DIP2C: variants seen among roughly 807,000 people sequenced by gnomAD.
DIP2C encodes DIP2 acetate--CoA ligase C (putative).
Under a neutral mutation model 192.4 loss-of-function variants are expected in DIP2C, and 33 were observed. The ratio of observed to expected loss-of-function variants is 0.17; its 90% CI spans 0.13 to 0.23. DIP2C has a LOEUF of 0.23. Among genes scored for constraint, DIP2C ranks in the 10% least tolerant of loss-of-function variants. The pLI, the probability that DIP2C is intolerant of heterozygous loss-of-function variation, is 1.00. For missense variants in DIP2C, 1,537 were observed against 2,110.1 expected (o/e 0.73, Z 5.32); for synonymous variants, 979 against 864.1 (o/e 1.13, Z -2.33).
rs531539311 is a variant in DIP2C at position 416,091 on chromosome 10, C to T, written c.740-203G>A. Among the ~76,000 whole-genome samples the T allele has an allele frequency of 2.0e-4, 31 of 151,836 alleles. 1 individual carries two copies. The South Asian group carries it at 2.3e-3, about 11-fold the overall frequency. On this transcript the variant is annotated intron_variant, in intron 6 of 36. Coordinates refer to ENST00000280886, the MANE Select transcript of DIP2C (RefSeq NM_014974.3). ...AGACCGGACAGAGATACATCGGACC[C>T]GAATGTCTACCACGTTCCAGGATGT...
intron 3 of DIP2C, among the ~76,000 whole-genome samples, chr10:448,139 A>T (rs1166422355): frequency 1.6e-5 from 2 of 124,720 alleles, no homozygotes; most frequent in South Asian, 2.4e-4. Context: ...TCAGGATCAC[A>T]CACAGTGGGG....
At chr10:524,773 A>G (rs1190411274) in intron 1 of DIP2C, among the ~76,000 whole-genome samples, 1 of 152,174 alleles carries the variant, frequency 6.6e-6, no homozygotes, top group East Asian at 1.9e-4. Flanking sequence ...ATAGCTCATT[A>G]GTTTAAGCAT....
intron 1 of DIP2C, among the ~76,000 whole-genome samples, chr10:510,283 C>G (rs1440916315): frequency 1.3e-5 from 2 of 152,202 alleles, no homozygotes; most frequent in Non-Finnish European, 2.9e-5. Context: ...AATGATAAAA[C>G]CAGACTTCAA....
chr10:596,347 C>G (rs533432791), intron 1 of DIP2C, among the ~76,000 whole-genome samples: 4 of 151,470 alleles, frequency 2.6e-5, no homozygotes, highest in Non-Finnish European at 5.9e-5. Flanking sequence ...CCATCTCTAA[C>G]GAAAATTAGC....
intron 1 of DIP2C, among the ~76,000 whole-genome samples, chr10:540,609 G>T (rs1011670155): frequency 2.0e-5 from 3 of 152,194 alleles, no homozygotes; most frequent in Non-Finnish European, 2.9e-5. Context: ...TCAAGCTTGG[G>T]GAGACCAAGA....
chr10:383,367 A>G (rs1962554270), intron 16 of DIP2C, among the ~76,000 whole-genome samples: 1 of 152,204 alleles, frequency 6.6e-6, no homozygotes, highest in Non-Finnish European at 1.5e-5. Flanking sequence ...CATGTTTCAT[A>G]AATGTGGTCA....
At chr10:485,000 A>G in intron 2 of DIP2C, 4 of 1,527,514 alleles carry the variant, frequency 2.6e-6, no homozygotes, top group Non-Finnish European at 3.5e-6. Context: ...TTTTTTTTAA[A>G]TTTGTTACAG....
intron 9 of DIP2C, among the ~76,000 whole-genome samples, chr10:405,322 TAG>T (rs747058713): frequency 7.2e-5 from 11 of 152,328 alleles, no homozygotes; most frequent in Admixed American, 6.5e-5. Context: ...GATTTATCAC[TAG>T]AGTTAATGCT....
intron 9 of DIP2C, among the ~76,000 whole-genome samples, chr10:407,708 G>A (rs150508801): frequency 1.1e-4 from 17 of 152,002 alleles, no homozygotes; most frequent in African/African-American, 3.4e-4. Context: ...TGTGTTTATC[G>A]GCCACTGCTA....
chr10:499,844 C>T (rs1253423325), intron 1 of DIP2C, among the ~76,000 whole-genome samples: 2 of 152,206 alleles, frequency 1.3e-5, no homozygotes, highest in Non-Finnish European at 2.9e-5. Flanking sequence ...GTCTAGTTAC[C>T]ATCTGCCAAA....
At position 546,277 on chromosome 10, in the gene DIP2C, TAA is replaced by T. The variant is rs370870788; in HGVS notation, c.86-59749_86-59748del. Reference sequence around the variant, plus strand: ...AGCCTGGGTGACAGAGCAAGACTCTTAAAAAAAAAAAAAAAAAGTAACAAATT... The same window carrying T: ...AGCCTGGGTGACAGAGCAAGACTCTTAAAAAAAAAAAAAAAGTAACAAATT... On this transcript the variant is annotated intron_variant, in intron 1 of 36. Transcript: ENST00000280886. Among the ~76,000 whole-genome samples the T allele has an allele frequency of 7.8e-3, 850 of 109,386 alleles. 6 individuals are homozygous for T. The highest frequency in any genetic ancestry group is 0.031 in the South Asian group (115 of 3,700). 71.8% of individuals were successfully genotyped at this position (109,386 alleles called of 152,430 possible).
chr10:377,758 T>C (rs1961804192), intron 17 of DIP2C, among the ~76,000 whole-genome samples: 2 of 152,140 alleles, frequency 1.3e-5, no homozygotes, highest in African/African-American at 4.8e-5. Flanking sequence ...TTCTTTGATT[T>C]TTCTCCCAGC....
At chr10:469,308 G>A (rs960448603) in intron 3 of DIP2C, among the ~76,000 whole-genome samples, 1 of 135,742 alleles carries the variant, frequency 7.4e-6, no homozygotes, top group Non-Finnish European at 1.5e-5. Flanking sequence ...AAATCTCACT[G>A]GTACTGATTT....
chr10:461,409 T>C (rs1450956412), intron 3 of DIP2C, among the ~76,000 whole-genome samples: 2 of 152,058 alleles, frequency 1.3e-5, no homozygotes, highest in Non-Finnish European at 2.9e-5. Flanking sequence ...AAACATACTT[T>C]AAACCAACAA....
chr10:285,544 G>C (rs924344214), intron 34 of DIP2C, among the ~76,000 whole-genome samples: 1 of 152,218 alleles, frequency 6.6e-6, no homozygotes, highest in Non-Finnish European at 1.5e-5. Flanking sequence ...CTTCTCCAGT[G>C]CCCTCTGCTT....
At chr10:659,296 T>C (rs961373208) in intron 1 of DIP2C, among the ~76,000 whole-genome samples, 3 of 152,182 alleles carry the variant, frequency 2.0e-5, no homozygotes, top group African/African-American at 2.4e-5. Flanking sequence ...TGCACACATA[T>C]ACACATGCAT....
intron 24 of DIP2C, among the ~76,000 whole-genome samples, chr10:352,639 G>A (rs1015900161): frequency 4.6e-5 from 7 of 152,178 alleles, no homozygotes; most frequent in African/African-American, 1.7e-4. Flanking sequence ...CCAGGTGGGC[G>A]CCTTTCTTGC....
chr10:414,739 G>GTGTGTGTGTGTGTGTGTATA, intron 7 of DIP2C, among the ~76,000 whole-genome samples: 3 of 90,510 alleles, frequency 3.3e-5, no homozygotes, highest in Non-Finnish European at 6.4e-5. Context: ...GTGTGTGTGT[G>GTGTGTGTGTGTGTGTGTATA]TACATATATA....
Position 301,442 on chromosome 10 carries a change from C to T in DIP2C, c.3986+8589G>A, listed in dbSNP as rs191688394. Among the ~76,000 whole-genome samples, 19 of 152,096 alleles carry T rather than the reference C, an allele frequency of 1.2e-4. No individual in the cohort carries two copies. The South Asian group carries it at 2.9e-3, about 23-fold the overall frequency. The stretch of plus-strand genomic sequence containing the variant: ...GGGTCAGGAGAAAAGGCAGCTGCAG[C>T]GGGTCACAGTGGGTGGGAACTGCTC... On this transcript the variant is annotated intron_variant, in intron 32 of 36. Transcript: ENST00000280886.
Sources: gnomAD v4.1 joint callset for allele counts (sites outside exome capture counted in the v4.1 genomes callset) on GRCh38, gnomAD v4.1.1 for gene constraint, MANE v1.5 for transcripts, NCBI Gene and HGNC (gene_info 2026-07-23, HGNC 2026-07-21) for gene names.